The following GTF2F2 variants were observed in gnomAD, a reference collection of about 807,000 sequenced individuals.
The protein encoded by GTF2F2 is general transcription factor IIF subunit 2, also known as ATP-dependent helicase GTF2F2.
A neutral mutation model predicts 42.2 loss-of-function variants in GTF2F2; 23 were observed. That is an observed-to-expected ratio of 0.55 (90% confidence interval 0.39 to 0.77). The LOEUF (loss-of-function observed/expected upper bound fraction) is 0.77. Ranked by LOEUF, GTF2F2 falls within the 30% of genes least tolerant of loss-of-function variation. GTF2F2 has a pLI of 0.00. For synonymous variants in GTF2F2, 105 were observed against 100.8 expected, an observed-to-expected ratio of 1.04 and a Z score of -0.25; for missense variants, 261 against 287.2, an observed-to-expected ratio of 0.91 and a Z score of 0.66.
At chr13:45,168,599 A>AT (rs1471875412) in intron 4 of GTF2F2, among the ~76,000 whole-genome samples, 1 of 152,118 alleles carries the variant, frequency 6.6e-6, no homozygotes, top group Non-Finnish European at 1.5e-5. Context: ...TCTGACAAAT[A>AT]AACTACCTGA....
In GTF2F2 at chr13:45,159,753, G is replaced by A. The variant is rs149646796; in HGVS notation, c.304+7922G>A. On this transcript the variant is annotated intron_variant, in intron 4 of 7. Transcript: ENST00000340473. ...CCTCCCAAGTTCTGGGATTACAAGCGTTGGCCACCATGCCTGGCCATGTTT... is the reference window on the plus strand; with the variant it reads ...CCTCCCAAGTTCTGGGATTACAAGCATTGGCCACCATGCCTGGCCATGTTT... Among the ~76,000 whole-genome samples, 349 of 152,292 alleles carry A rather than the reference G, an allele frequency of 2.3e-3. 2 individuals carry two copies. Among genetic ancestry groups the A allele is most frequent in the African/African-American group, 7.7e-3 (318 of 41,560 alleles).
chr13:45,280,460 G>A (rs551646398), intron 7 of GTF2F2, among the ~76,000 whole-genome samples: 4 of 152,228 alleles, frequency 2.6e-5, no homozygotes, highest in African/African-American at 9.6e-5. Flanking sequence ...TAATTTATTT[G>A]ATTAGAGTAA....
At chr13:45,273,092 A>C (rs1876871534) in intron 7 of GTF2F2, among the ~76,000 whole-genome samples, 1 of 150,870 alleles carries the variant, frequency 6.6e-6, no homozygotes, top group African/African-American at 2.4e-5. Context: ...CGCCTGGCTA[A>C]TTTTCGTATT....
intron 4 of GTF2F2, among the ~76,000 whole-genome samples, chr13:45,186,580 C>T (rs961857347): frequency 3.3e-5 from 5 of 152,018 alleles, no homozygotes; most frequent in African/African-American, 9.7e-5. Context: ...TGTGAGCCAC[C>T]GCACCCAGCC....
intron 2 of GTF2F2, among the ~76,000 whole-genome samples, chr13:45,148,328 C>G (rs1870307846): frequency 6.6e-6 from 1 of 152,154 alleles, no homozygotes. Context: ...AGAATAAAGT[C>G]TGTATTTTGT....
chr13:45,175,715 C>T (rs1197612478), intron 4 of GTF2F2, among the ~76,000 whole-genome samples: 1 of 152,098 alleles, frequency 6.6e-6, no homozygotes, highest in Non-Finnish European at 1.5e-5. Context: ...CTCTGCCTCC[C>T]GGGTTCAGGT....
intron 7 of GTF2F2, among the ~76,000 whole-genome samples, chr13:45,271,120 A>T (rs200478367): frequency 6.6e-6 from 1 of 152,006 alleles, no homozygotes; most frequent in Admixed American, 6.6e-5. Flanking sequence ...GTGAAACCCC[A>T]TCTCTACTAA....
chr13:45,133,784 G>A (rs919448682), intron 1 of GTF2F2, among the ~76,000 whole-genome samples: 1 of 152,202 alleles, frequency 6.6e-6, no homozygotes, highest in African/African-American at 2.4e-5. Flanking sequence ...TCGTGCCACT[G>A]TAAGCCTGCT....
intron 4 of GTF2F2, among the ~76,000 whole-genome samples, chr13:45,155,457 C>T (rs1221866912): frequency 6.6e-6 from 1 of 152,144 alleles, no homozygotes; most frequent in African/African-American, 2.4e-5. Context: ...GTTTTAATAA[C>T]TTTACTCCTG....
rs947120927 is a variant in GTF2F2, at chr13:45,284,182, G to C, written c.*621G>C. 2 of 152,100 alleles carry C rather than the reference G, an allele frequency of 1.3e-5. No homozygotes were observed. The highest frequency in any genetic ancestry group is 2.9e-5 in the Non-Finnish European group (2 of 68,022). The allele number at this position is 152,100 out of a possible 1,614,324, so 9.4% of individuals were successfully genotyped here. On this transcript the variant is annotated 3_prime_UTR_variant, in exon 8 of 8. Coordinates refer to ENST00000340473, the MANE Select transcript of GTF2F2 (RefSeq NM_004128.3). ...ATGTGCAGGATCATGGTCAGTTGAT[G>C]TTTCTTTTATTTGCTTTTAAGATAA...
chr13:45,193,673 G>A (rs557380190), intron 4 of GTF2F2: 7 of 897,028 alleles, frequency 7.8e-6, no homozygotes, highest in Non-Finnish European at 1.2e-5. Flanking sequence ...TTGATTAGTA[G>A]CAGGGCTCTG....
intron 7 of GTF2F2, among the ~76,000 whole-genome samples, chr13:45,279,486 A>G (rs1012793836): frequency 1.3e-5 from 2 of 152,176 alleles, no homozygotes; most frequent in African/African-American, 2.4e-5. Context: ...GTCTATTTTT[A>G]TGGACCTTCT....
chr13:45,123,524 G>A (rs908675119), intron 1 of GTF2F2: 1 of 152,080 alleles, frequency 6.6e-6, no homozygotes, highest in Non-Finnish European at 1.5e-5. Context: ...AGCTACTTGA[G>A]AGGCTGAGGT....
At chr13:45,124,980 A>G (rs1273042950) in intron 1 of GTF2F2, among the ~76,000 whole-genome samples, 1 of 152,182 alleles carries the variant, frequency 6.6e-6, no homozygotes, top group Non-Finnish European at 1.5e-5. Flanking sequence ...CTTCCCGGCT[A>G]GCTTTCATTT....
At chr13:45,151,642 T>C in intron 3 of GTF2F2, 45 bp from the exon 4 acceptor site, 2 of 1,281,192 alleles carry the variant, frequency 1.6e-6, no homozygotes, top group South Asian at 1.3e-5. Context: ...ATATATAGTT[T>C]GAATACAGAA....
chr13:45,190,871 C>T (rs1372489652), intron 4 of GTF2F2, among the ~76,000 whole-genome samples: 2 of 151,094 alleles, frequency 1.3e-5, no homozygotes, highest in Non-Finnish European at 2.9e-5. Flanking sequence ...TCGCCTCAGC[C>T]TCCCAAGTAG....
At chr13:45,180,745 A>G (rs1014040364) in intron 4 of GTF2F2, among the ~76,000 whole-genome samples, 7 of 152,126 alleles carry the variant, frequency 4.6e-5, no homozygotes, top group African/African-American at 1.2e-4. Context: ...ATTGTGTCCT[A>G]ATGTTTTCTT....
chr13:45,221,102 G>A (rs535523503), intron 5 of GTF2F2, among the ~76,000 whole-genome samples: 1 of 152,088 alleles, frequency 6.6e-6, no homozygotes, highest in African/African-American at 2.4e-5. Context: ...TGTCTCCTTC[G>A]TGTTTTAACT....
At chr13:45,167,765 C>T (rs183315544) in intron 4 of GTF2F2, among the ~76,000 whole-genome samples, 2 of 152,188 alleles carry the variant, frequency 1.3e-5, no homozygotes, top group Non-Finnish European at 2.9e-5. Flanking sequence ...TGGTTTCAAA[C>T]TCCTGACCTC....
Sources: gnomAD v4.1 joint callset for allele counts (sites outside exome capture counted in the v4.1 genomes callset) on GRCh38, gnomAD v4.1.1 for gene constraint, MANE v1.5 for transcripts, NCBI Gene and HGNC (gene_info 2026-07-23, HGNC 2026-07-21) for gene names.